Variants in FAAH2 observed in about 807,000 individuals in gnomAD.
FAAH2 encodes the protein fatty acid amide hydrolase 2, also known as fatty-acid amide hydrolase 2.
Under a neutral mutation model 36.9 loss-of-function variants are expected in FAAH2, and 60 were observed. The observed-to-expected ratio is 1.63, with a 90% CI of 1.32 to 2.02. FAAH2 has a LOEUF of 2.02. Ranked by LOEUF, FAAH2 falls within the 30% of genes most tolerant of loss-of-function variation. The probability of loss-of-function intolerance (pLI) is 0.00; values close to 1 mark genes in which losing one functional copy is unlikely to be tolerated. For synonymous variants in FAAH2, 214 were observed against 143.8 expected (o/e 1.49, Z -3.49); for missense variants, 689 against 397.5 (o/e 1.73, Z -6.23).
chrX:57,311,859 C>T (rs774073244), intron 3 of FAAH2, among the ~76,000 whole-genome samples: 1 of 112,093 alleles, frequency 8.9e-6, no homozygotes, highest in Non-Finnish European at 1.9e-5. Context: ...AGCTAAGAGA[C>T]AGTCAGGTGC....
intron 2 of FAAH2, among the ~76,000 whole-genome samples, chrX:57,308,177 T>A (rs181584896): frequency 6.3e-5 from 7 of 111,870 alleles, no homozygotes; most frequent in Non-Finnish European, 1.3e-4. Flanking sequence ...GATTGCTGGG[T>A]CAAATGGTAG....
At chrX:57,143,960 T>C in the FAAH2 span, among the ~76,000 whole-genome samples, 1 of 112,098 alleles carries the variant, frequency 8.9e-6, no homozygotes, top group Non-Finnish European at 1.9e-5. Flanking sequence ...AAGAACACAG[T>C]ATTACTTGAA....
intron 10 of FAAH2, among the ~76,000 whole-genome samples, chrX:57,486,024 T>A (rs2057467937): frequency 8.9e-6 from 1 of 111,893 alleles, no homozygotes; most frequent in African/African-American, 3.3e-5. Context: ...GAGCTGTGCT[T>A]TGTAGTCTGA....
chrX:57,467,213 G>A (rs1481676661), intron 10 of FAAH2, among the ~76,000 whole-genome samples: 1 of 111,351 alleles, frequency 9.0e-6, no homozygotes, highest in Non-Finnish European at 1.9e-5. Flanking sequence ...TCCAACTGAG[G>A]TACCAGATGC....
At chrX:57,333,562 G>A (rs1348782186) in intron 4 of FAAH2, among the ~76,000 whole-genome samples, 3 of 107,108 alleles carry the variant, frequency 2.8e-5, no homozygotes, top group African/African-American at 1.0e-4. Context: ...TAAGAAGACA[G>A]ATGGGAACTT....
At chrX:57,350,280 A>G (rs2147095556) in intron 5 of FAAH2, among the ~76,000 whole-genome samples, 1 of 111,159 alleles carries the variant, frequency 9.0e-6, no homozygotes, top group African/African-American at 3.2e-5. Context: ...AAGCAAAAGG[A>G]CATTAACCAT....
chrX:57,374,468 C>A (rs1569300007), intron 5 of FAAH2, among the ~76,000 whole-genome samples: 1 of 111,440 alleles, frequency 9.0e-6, no homozygotes, highest in Non-Finnish European at 1.9e-5. Context: ...ATTTATTTTG[C>A]AGCTATTGTA....
intron 10 of FAAH2, among the ~76,000 whole-genome samples, chrX:57,488,020 A>G (rs1016736606): frequency 9.0e-6 from 1 of 111,722 alleles, no homozygotes; most frequent in Admixed American, 9.6e-5. Flanking sequence ...TCAGACAAAA[A>G]ATGTTACATA....
chrX:57,419,507 A>C lies in FAAH2; in HGVS notation c.997-12411A>C, dbSNP rs778658103. Among the ~76,000 whole-genome samples, 4 of 112,163 alleles carry C rather than the reference A, an allele frequency of 3.6e-5. No individual in the cohort carries two copies. In the South Asian group the frequency reaches 1.5e-3, roughly 42 times the overall value. ...TTTTTCGTGTGTTTTTTGGCAGCAT[A>C]AATGTCTTCTTTTGAGAAGTGTCTG... On this transcript the variant is annotated intron_variant, in intron 7 of 10. Transcript: ENST00000374900.
At chrX:57,418,066 G>A (rs1042117107) in intron 7 of FAAH2, among the ~76,000 whole-genome samples, 1 of 111,103 alleles carries the variant, frequency 9.0e-6, no homozygotes, top group Non-Finnish European at 1.9e-5. Flanking sequence ...AGTAATTGTG[G>A]CCCTCCCTCC....
chrX:57,219,597 G>T, the FAAH2 span, among the ~76,000 whole-genome samples: 1 of 112,224 alleles, frequency 8.9e-6, no homozygotes, highest in African/African-American at 3.2e-5. Flanking sequence ...CCAGGCACCC[G>T]ATAATTATCT....
chrX:57,422,493 A>C (rs2056062062), intron 7 of FAAH2, among the ~76,000 whole-genome samples: 1 of 112,258 alleles, frequency 8.9e-6, no homozygotes, highest in Non-Finnish European at 1.9e-5. Context: ...GAGTATATCT[A>C]TTCAAATTAT....
intron 5 of FAAH2, among the ~76,000 whole-genome samples, chrX:57,347,758 C>A (rs761853157): frequency 6.5e-5 from 7 of 108,357 alleles, no homozygotes. Context: ...ATTCTGTGTG[C>A]TTTCAGGAGA....
chrX:57,358,457 CTTCT>C (rs1378935528), intron 5 of FAAH2, among the ~76,000 whole-genome samples: 1 of 111,206 alleles, frequency 9.0e-6, no homozygotes, highest in Non-Finnish European at 1.9e-5. Flanking sequence ...AGTATTTGTC[CTTCT>C]GTTTTATTTA....
chrX:57,260,683 T>C, the FAAH2 span, among the ~76,000 whole-genome samples: 1 of 111,637 alleles, frequency 9.0e-6, no homozygotes, highest in Non-Finnish European at 1.9e-5. Context: ...AAGTCAGTAA[T>C]AATAAGTCAA....
intron 7 of FAAH2, among the ~76,000 whole-genome samples, chrX:57,425,338 G>A (rs1251034430): frequency 9.0e-6 from 1 of 111,432 alleles, no homozygotes; most frequent in Non-Finnish European, 1.9e-5. Flanking sequence ...TCTAGTAAAA[G>A]GTCTAGATAT....
the FAAH2 span, chrX:57,135,883 A>G: frequency 8.3e-7 from 1 of 1,210,148 alleles, no homozygotes; most frequent in Non-Finnish European, 1.1e-6. Flanking sequence ...TTGATGAAAT[A>G]CACAGAGGGT....
intron 2 of FAAH2, among the ~76,000 whole-genome samples, chrX:57,300,427 TC>T (rs944720258): frequency 8.9e-6 from 1 of 111,979 alleles, no homozygotes; most frequent in African/African-American, 3.2e-5. Flanking sequence ...TGAAATTGGA[TC>T]CTTTCCTTAC....
chrX:57,154,746 C>T, the FAAH2 span, among the ~76,000 whole-genome samples: 1 of 110,138 alleles, frequency 9.1e-6, no homozygotes, highest in Admixed American at 9.7e-5. Context: ...GTTAAACAAC[C>T]TTGTTTTGTT....
Sources: gnomAD v4.1 joint callset for allele counts (sites outside exome capture counted in the v4.1 genomes callset) on GRCh38, gnomAD v4.1.1 for gene constraint, MANE v1.5 for transcripts, NCBI Gene and HGNC (gene_info 2026-07-23, HGNC 2026-07-21) for gene names.